The following NINJ2 variants were observed in gnomAD, a reference collection of about 807,000 sequenced individuals.
The protein encoded by NINJ2 is ninjurin 2.
NINJ2 carries 12 observed loss-of-function variants against 11.7 expected under a neutral mutation model. That is an observed-to-expected ratio of 1.02 (90% CI 0.66 to 1.66). The LOEUF (loss-of-function observed/expected upper bound fraction) is 1.66. NINJ2 is among the 40% of genes most tolerant of loss of function. The pLI is 0.00. For missense variants in NINJ2, 187 were observed against 181.8 expected, an observed-to-expected ratio of 1.03 and a Z score of -0.16; for synonymous variants, 93 against 76.8, an observed-to-expected ratio of 1.21 and a Z score of -1.10.
At chr12:607,973 T>C (rs1429446212) in intron 1 of NINJ2, among the ~76,000 whole-genome samples, 1 of 152,212 alleles carries the variant, frequency 6.6e-6, no homozygotes, top group Non-Finnish European at 1.5e-5. Flanking sequence ...GACTTTCCAG[T>C]GCAAGCCAAT....
chr12:580,194 G>T lies in NINJ2; in HGVS notation c.34-14016C>A, dbSNP rs4980941. ...ATAAAGTGTATAAAGGGGGAAGCCA[G>T]GAGATAGAGAGCTTATCCATCCCTC... On this transcript the variant is annotated intron_variant, in intron 1 of 3. Coordinates refer to ENST00000305108, the MANE Select transcript of NINJ2 (RefSeq NM_016533.6). This position sits in a 1 kb window ranked among gnomAD's most constrained non-coding sequence, Gnocchi z 4.7. Among the ~76,000 whole-genome samples the T allele has an allele frequency of 0.37, 56,370 of 151,972 alleles. 11,150 individuals carry two copies. The highest frequency in any genetic ancestry group is 0.47 in the African/African-American group (19,610 of 41,412).
chr12:605,165 T>A (rs1408570744), intron 1 of NINJ2, among the ~76,000 whole-genome samples: 1 of 152,180 alleles, frequency 6.6e-6, no homozygotes, highest in Non-Finnish European at 1.5e-5. Flanking sequence ...CCTGACAGAA[T>A]GGGAGTTTCA....
Position 662,409 on chromosome 12 carries a change from C to CGAGAGAGAGAGAGAGA in NINJ2, c.33+903_33+918dup, listed in dbSNP as rs111778018. Among the ~76,000 whole-genome samples, 657 of 147,506 alleles carry CGAGAGAGAGAGAGAGA rather than the reference C, an allele frequency of 4.5e-3. 7 individuals carry two copies. The highest frequency in any genetic ancestry group is 0.013 in the African/African-American group (540 of 40,228). ...CCCTGCCCAAAACACACACAGAGAA[C>CGAGAGAGAGAGAGAGA]GAGAGAGAGAGAGAGAGAGAGAGAC... On this transcript the variant is annotated intron_variant, in intron 1 of 3. Coordinates refer to ENST00000305108, the MANE Select transcript of NINJ2 (RefSeq NM_016533.6).
intron 1 of NINJ2, among the ~76,000 whole-genome samples, chr12:600,042 G>A (rs749612039): frequency 6.6e-6 from 1 of 152,174 alleles, no homozygotes; most frequent in Non-Finnish European, 1.5e-5. Flanking sequence ...GCAAATTGGC[G>A]CTGAGATTCA....
intron 1 of NINJ2, chr12:643,803 T>G: frequency 4.5e-6 from 2 of 445,518 alleles, no homozygotes; most frequent in Non-Finnish European, 6.0e-6. Flanking sequence ...TTGCCACTTT[T>G]GGGGGGAATC....
chr12:603,101 T>G (rs540805030), intron 1 of NINJ2, among the ~76,000 whole-genome samples: 1 of 152,182 alleles, frequency 6.6e-6, no homozygotes, highest in East Asian at 1.9e-4. Flanking sequence ...CCTCCAAAAG[T>G]GCTAGGATTT....
At chr12:642,952 C>G (rs1948440552) in intron 1 of NINJ2, 1 of 149,424 alleles carries the variant, frequency 6.7e-6, no homozygotes, top group African/African-American at 2.4e-5. Context: ...CCACGCCCCA[C>G]GCCGCGCCCG....
chr12:593,414 T>A (rs1186209543), intron 1 of NINJ2, among the ~76,000 whole-genome samples: 1 of 152,134 alleles, frequency 6.6e-6, no homozygotes, highest in Non-Finnish European at 1.5e-5. Context: ...ATCAGAAATT[T>A]GTGAGTTACA....
intron 1 of NINJ2, among the ~76,000 whole-genome samples, chr12:568,885 C>CA (rs1253768281): frequency 5.5e-5 from 7 of 126,614 alleles, no homozygotes; most frequent in Non-Finnish European, 9.7e-5. Flanking sequence ...CACCCCCCCC[C>CA]CCCCGCCCCC....
intron 1 of NINJ2, among the ~76,000 whole-genome samples, chr12:648,027 A>C (rs1937718430): frequency 6.6e-6 from 1 of 152,222 alleles, no homozygotes; most frequent in Non-Finnish European, 1.5e-5. Flanking sequence ...ATGTGTTTGA[A>C]AGACCCTTTC....
At chr12:595,871 G>C (rs930464140) in intron 1 of NINJ2, among the ~76,000 whole-genome samples, 1 of 152,124 alleles carries the variant, frequency 6.6e-6, no homozygotes, top group African/African-American at 2.4e-5. Context: ...GGCCAAAGAC[G>C]TCTTCACAGA....
At chr12:629,916 T>TATATATATATATATATATATATAC (rs147102413) in intron 1 of NINJ2, among the ~76,000 whole-genome samples, 26 of 72,978 alleles carry the variant, frequency 3.6e-4, no homozygotes, top group Non-Finnish European at 6.9e-4. Flanking sequence ...TATATATATA[T>TATATATATATATATATATATATAC]ATATATGAAG....
intron 1 of NINJ2, among the ~76,000 whole-genome samples, chr12:613,655 C>T (rs1312863932): frequency 6.6e-6 from 1 of 152,120 alleles, no homozygotes; most frequent in Non-Finnish European, 1.5e-5. Context: ...CCTGTAATCC[C>T]AGCACTTTGG....
intron 1 of NINJ2, among the ~76,000 whole-genome samples, chr12:607,724 G>A (rs1947958550): frequency 6.6e-6 from 1 of 152,198 alleles, no homozygotes; most frequent in African/African-American, 2.4e-5. Flanking sequence ...TCAGGAAGTA[G>A]GTCAGGAGGA....
chr12:654,521 CAAAA>C (rs72488352), intron 1 of NINJ2, among the ~76,000 whole-genome samples: 6 of 98,590 alleles, frequency 6.1e-5, no homozygotes, highest in Admixed American at 1.1e-4. Flanking sequence ...AACTCCGTCT[CAAAA>C]AAAAAAAAAA....
rs935503283 is a variant in NINJ2 at position 580,407 on chromosome 12, G to A, written c.34-14229C>T. Reference sequence around the variant, plus strand: ...GTTTGAGATGAGCCTGGGCAAAATGGTGAAACCCCATCTCTACTAAAAATA... The same window carrying A: ...GTTTGAGATGAGCCTGGGCAAAATGATGAAACCCCATCTCTACTAAAAATA... On this transcript the variant is annotated intron_variant, in intron 1 of 3. Transcript: ENST00000305108. The surrounding 1 kb of genome is among the most constrained non-coding windows in gnomAD (Gnocchi z 4.7). Among the ~76,000 whole-genome samples the A allele has an allele frequency of 6.6e-6, 1 of 152,042 alleles. No individual in the cohort carries two copies. Among genetic ancestry groups the A allele is most frequent in the Non-Finnish European group, 1.5e-5 (1 of 68,020 alleles).
intron 1 of NINJ2, among the ~76,000 whole-genome samples, chr12:589,753 T>C (rs1947693005): frequency 6.6e-6 from 1 of 152,200 alleles, no homozygotes; most frequent in Non-Finnish European, 1.5e-5. Context: ...TAGGCACTGA[T>C]GTCTCAGGCT....
chr12:615,412 A>C (rs1177677274), intron 1 of NINJ2, among the ~76,000 whole-genome samples: 1 of 152,118 alleles, frequency 6.6e-6, no homozygotes, highest in Non-Finnish European at 1.5e-5. Context: ...AACACAGAGA[A>C]ATCCCGTCTC....
At chr12:569,443 C>A (rs1309037388) in intron 1 of NINJ2, among the ~76,000 whole-genome samples, 2 of 152,222 alleles carry the variant, frequency 1.3e-5, no homozygotes, top group Non-Finnish European at 2.9e-5. Flanking sequence ...GGCCTCCCTG[C>A]CCCATGGCTG....
Sources: gnomAD v4.1 joint callset for allele counts (sites outside exome capture counted in the v4.1 genomes callset) on GRCh38, gnomAD v4.1.1 for gene constraint, Gnocchi (gnomAD v3.1) non-coding constraint, MANE v1.5 for transcripts, NCBI Gene and HGNC (gene_info 2026-07-23, HGNC 2026-07-21) for gene names.